Variants in FRAS1 observed in about 807,000 individuals in gnomAD.
The protein encoded by FRAS1 is extracellular matrix organizing protein FRAS1.
In FRAS1, 290 loss-of-function variants were observed where a neutral mutation model predicts 435.2. The ratio of observed to expected loss-of-function variants is 0.67; its 90% confidence interval spans 0.61 to 0.73. The LOEUF (loss-of-function observed/expected upper bound fraction) is 0.73, where lower values mean the gene tolerates loss of function less well. Among genes scored for constraint, FRAS1 ranks in the 30% least tolerant of loss-of-function variants. FRAS1 has a pLI of 0.00. For missense variants in FRAS1, 4,860 were observed against 5,001.5 expected, an observed-to-expected ratio of 0.97 and a Z score of 0.85; for synonymous variants, 1,800 against 1,851.0, an observed-to-expected ratio of 0.97 and a Z score of 0.71.
chr4:78,284,682 A>T (rs1727497953), intron 13 of FRAS1, 134 bp downstream of exon 13: 6 of 750,390 alleles, frequency 8.0e-6, no homozygotes, highest in Non-Finnish European at 1.0e-5. Flanking sequence ...GAGATGCACA[A>T]CGTCTAAAAA....
chr4:78,296,647 G>A (rs1290162481), intron 14 of FRAS1, among the ~76,000 whole-genome samples: 2 of 152,180 alleles, frequency 1.3e-5, no homozygotes, highest in Admixed American at 1.3e-4. Context: ...GCCCCTGGGC[G>A]AGGCTGGAGC....
At chr4:78,432,711 C>A in intron 38 of FRAS1, 107 bp downstream of exon 38, 1 of 1,293,312 alleles carries the variant, frequency 7.7e-7, no homozygotes, top group Non-Finnish European at 1.0e-6. Flanking sequence ...GGTATATGGT[C>A]ACGTAAAGAA....
Position 78,364,067 on chromosome 4 carries a change from A to C in FRAS1, c.2722+13A>C, listed in dbSNP as rs768768472. 3 of 1,567,426 alleles carry C rather than the reference A, an allele frequency of 1.9e-6. No individual in the cohort carries two copies. On this transcript the variant is annotated intron_variant, in intron 22 of 73. Coordinates refer to ENST00000512123, the MANE Select transcript of FRAS1 (RefSeq NM_025074.7). ...CATGTTTGCCAGCGTAGGTTTTTCC[A>C]ATGAACCTTCTCTCCTTTCCTTCTT...
At chr4:78,381,280 A>G (rs1732004464) in intron 27 of FRAS1, among the ~76,000 whole-genome samples, 1 of 152,180 alleles carries the variant, frequency 6.6e-6, no homozygotes, top group South Asian at 2.1e-4. Context: ...CCTACTCTAT[A>G]TTCTGCATTC....
chr4:78,440,116 C>T (rs1048296970), intron 40 of FRAS1, among the ~76,000 whole-genome samples: 28 of 150,352 alleles, frequency 1.9e-4, no homozygotes, highest in Non-Finnish European at 3.4e-4. Flanking sequence ...CTGCAAGCTC[C>T]GCTTCCCGGG....
intron 6 of FRAS1, 199 bp from the exon 7 acceptor site, chr4:78,264,826 A>C (rs769797033): frequency 1.5e-6 from 1 of 671,828 alleles, no homozygotes; most frequent in African/African-American, 1.8e-5. Flanking sequence ...GGCATGTGCA[A>C]ACTTCTTAAG....
At chr4:78,138,593 C>T (rs1307454444) in intron 2 of FRAS1, among the ~76,000 whole-genome samples, 1 of 152,054 alleles carries the variant, frequency 6.6e-6, no homozygotes, top group Non-Finnish European at 1.5e-5. Context: ...ATAATAATTC[C>T]CTGCCACTTA....
At chr4:78,236,346 C>G (rs114420924) in intron 2 of FRAS1, among the ~76,000 whole-genome samples, 2,025 of 150,442 alleles carry the variant, frequency 0.013, 30 homozygotes, top group African/African-American at 0.046. Context: ...TTTTTTATTT[C>G]AATAGATTTT....
At chr4:78,295,309 C>G (rs571451825) in intron 14 of FRAS1, among the ~76,000 whole-genome samples, 1 of 152,162 alleles carries the variant, frequency 6.6e-6, no homozygotes, top group Non-Finnish European at 1.5e-5. Context: ...CTTTTTGACA[C>G]AGAGTAACAT....
At chr4:78,474,202 GC>G (rs1484887204) in intron 53 of FRAS1, among the ~76,000 whole-genome samples, 2 of 152,204 alleles carry the variant, frequency 1.3e-5, no homozygotes, top group African/African-American at 2.4e-5. Flanking sequence ...AATGTGGACA[GC>G]CCTTTAAGAT....
chr4:78,146,224 A>G (rs1043836232), intron 2 of FRAS1, among the ~76,000 whole-genome samples: 7 of 152,276 alleles, frequency 4.6e-5, no homozygotes, highest in South Asian at 2.1e-4. Flanking sequence ...GCAGTCCCCT[A>G]TACAAGTTCA....
intron 33 of FRAS1, among the ~76,000 whole-genome samples, chr4:78,420,092 A>C (rs2110369674): frequency 6.6e-6 from 1 of 152,318 alleles, no homozygotes; most frequent in South Asian, 2.1e-4. Flanking sequence ...GCTGCTCCTC[A>C]CAGAAAGAAG....
intron 38 of FRAS1, among the ~76,000 whole-genome samples, chr4:78,432,924 T>A (rs1377195935): frequency 2.0e-5 from 3 of 152,154 alleles, no homozygotes. Flanking sequence ...ATATTCCCAA[T>A]GGGAAGTTTA....
intron 2 of FRAS1, among the ~76,000 whole-genome samples, chr4:78,092,348 A>G (rs1741573440): frequency 1.3e-5 from 2 of 152,152 alleles, no homozygotes; most frequent in South Asian, 2.1e-4. Flanking sequence ...GCAATTTACA[A>G]AAGAAAGAGG....
At chr4:78,273,864 G>A (rs1364315480) in intron 9 of FRAS1, among the ~76,000 whole-genome samples, 2 of 152,118 alleles carry the variant, frequency 1.3e-5, no homozygotes, top group Admixed American at 1.3e-4. Flanking sequence ...TTTTTCTATT[G>A]AATGGAATAG....
chr4:78,149,705 A>T (rs1720564174), intron 2 of FRAS1, among the ~76,000 whole-genome samples: 1 of 152,010 alleles, frequency 6.6e-6, no homozygotes, highest in Admixed American at 6.6e-5. Context: ...TTCTTCATTG[A>T]TTTTCTCATA....
intron 30 of FRAS1, among the ~76,000 whole-genome samples, chr4:78,403,722 C>A (rs1409018971): frequency 2.0e-5 from 3 of 152,146 alleles, no homozygotes; most frequent in African/African-American, 7.2e-5. Flanking sequence ...TCAACTTACA[C>A]CCTGTTAAAC....
intron 3 of FRAS1, among the ~76,000 whole-genome samples, chr4:78,241,210 C>T (rs1724989135): frequency 1.3e-5 from 2 of 152,196 alleles, no homozygotes; most frequent in African/African-American, 4.8e-5. Flanking sequence ...CTCTGAATCT[C>T]CCATCCCCAA....
At chr4:78,480,391 A>G (rs567682907) in intron 56 of FRAS1, among the ~76,000 whole-genome samples, 1 of 152,308 alleles carries the variant, frequency 6.6e-6, no homozygotes, top group Admixed American at 6.5e-5. Context: ...CATTGAGGTC[A>G]TGGAGATAGA....
Sources: allele counts gnomAD v4.1 joint callset (sites outside exome capture counted in the v4.1 genomes callset), GRCh38; gene constraint gnomAD v4.1.1; transcripts MANE v1.5; gene names NCBI Gene and HGNC (gene_info 2026-07-23, HGNC 2026-07-21).